Variants in GULP1 observed in about 807,000 individuals in gnomAD.
GULP1 encodes GULP PTB domain containing engulfment adaptor 1, also known as PTB domain-containing engulfment adapter protein 1.
Under a neutral mutation model 40.9 loss-of-function variants are expected in GULP1, and 19 were observed. The observed-to-expected ratio is 0.46, with a 90% confidence interval of 0.32 to 0.68. The LOEUF (loss-of-function observed/expected upper bound fraction) is 0.68. GULP1 is among the 30% of genes least tolerant of loss of function. The pLI is 0.03. For missense variants in GULP1, 312 were observed against 362.2 expected (o/e 0.86, Z 1.12); for synonymous variants, 119 against 117.6 (o/e 1.01, Z -0.08).
chr2:188,563,005 T>A (rs1435168076), intron 7 of GULP1, among the ~76,000 whole-genome samples: 2 of 152,134 alleles, frequency 1.3e-5, no homozygotes, highest in Admixed American at 1.3e-4. Context: ...ATACAATGTA[T>A]CAAAATTTGT....
At chr2:188,592,184 G>A (rs1703694634) in intron 11 of GULP1, 1 of 151,698 alleles carries the variant, frequency 6.6e-6, no homozygotes, top group African/African-American at 2.4e-5. Flanking sequence ...GTATTTTCAG[G>A]GTAATTGAAG....
intron 2 of GULP1, among the ~76,000 whole-genome samples, chr2:188,430,399 G>C (rs1016849824): frequency 2.6e-5 from 4 of 152,174 alleles, no homozygotes; most frequent in Admixed American, 6.5e-5. Flanking sequence ...TTTTGCTTAT[G>C]GGAAGCTCCT....
chr2:188,484,571 C>T (rs186178272), intron 4 of GULP1, among the ~76,000 whole-genome samples: 77 of 151,660 alleles, frequency 5.1e-4, no homozygotes, highest in Admixed American at 1.6e-3. Context: ...AGAACTTAAA[C>T]GTTTATGGAT....
At position 188,513,169 on chromosome 2, in the gene GULP1, G is replaced by A. The variant is rs188185762; in HGVS notation, c.91-9587G>A. 7.7e-4 allele frequency among the ~76,000 whole-genome samples: 117 copies of A among 152,108 alleles called. 2 individuals are homozygous for A. In the East Asian group the frequency reaches 0.018, roughly 23 times the overall value. On this transcript the variant is annotated intron_variant, in intron 4 of 11. Transcript: ENST00000409830. ...TGTATTTATCAGAGTCTTTATAGAA[G>A]ATTTAAAAAAGACATTTACTAGTTT...
intron 6 of GULP1, among the ~76,000 whole-genome samples, chr2:188,538,069 C>G (rs1689412604): frequency 6.6e-6 from 1 of 151,946 alleles, no homozygotes; most frequent in African/African-American, 2.4e-5. Context: ...TTTGGCTCTT[C>G]TCTCCTTTAG....
intron 1 of GULP1, among the ~76,000 whole-genome samples, chr2:188,333,760 G>A (rs1263092385): frequency 6.6e-6 from 1 of 152,042 alleles, no homozygotes; most frequent in Non-Finnish European, 1.5e-5. Context: ...ATTTTGTTAT[G>A]TGCTTTGCCC....
chr2:188,428,132 CT>C (rs1304076534), intron 2 of GULP1, among the ~76,000 whole-genome samples: 1 of 152,218 alleles, frequency 6.6e-6, no homozygotes, highest in Non-Finnish European at 1.5e-5. Flanking sequence ...TGTACCCTTT[CT>C]TTTGATCAAT....
Position 188,594,185 on chromosome 2 carries a change from T to C in GULP1, c.*174T>C, listed in dbSNP as rs1449008361. The C allele has an allele frequency of 2.2e-6, 1 of 455,074 alleles. No individual in the cohort carries two copies. Among genetic ancestry groups the C allele is most frequent in the African/African-American group, 2.0e-5 (1 of 51,036 alleles). The allele number at this position is 455,074 out of a possible 1,614,324, so 28.2% of individuals were successfully genotyped here. A position where few individuals can be genotyped will look rare whatever the true frequency, so the allele number is the denominator to read the frequency against. The stretch of plus-strand genomic sequence containing the variant: ...CTTCACTATTGATCTGTAATTTTTA[T>C]TTTAAAAACAGCTTACTGTAAAGTA... On this transcript the variant is annotated 3_prime_UTR_variant, in exon 12 of 12. Coordinates refer to ENST00000409830, the MANE Select transcript of GULP1 (RefSeq NM_016315.4).
chr2:188,463,071 A>G (rs1371686286), intron 2 of GULP1, among the ~76,000 whole-genome samples: 1 of 152,062 alleles, frequency 6.6e-6, no homozygotes, highest in Non-Finnish European at 1.5e-5. Flanking sequence ...ACAGTGTTGT[A>G]ATATTCTCTG....
chr2:188,495,206 A>C (rs2062786388), intron 4 of GULP1, among the ~76,000 whole-genome samples: 1 of 152,058 alleles, frequency 6.6e-6, no homozygotes. Context: ...TAATGGGTCC[A>C]TCTGAGGAAA....
intron 2 of GULP1, among the ~76,000 whole-genome samples, chr2:188,403,510 C>G (rs2052613499): frequency 1.3e-5 from 2 of 152,030 alleles, no homozygotes; most frequent in Admixed American, 6.6e-5. Flanking sequence ...CAGGACTCTT[C>G]CACTTATACT....
Position 188,477,863 on chromosome 2 carries a change from C to G in GULP1, c.28+133C>G, listed in dbSNP as rs868536466. On this transcript the variant is annotated intron_variant, in intron 3 of 11. Transcript: ENST00000409830. The stretch of plus-strand genomic sequence containing the variant: ...GAAATGAAGTTAGATTAGAGCAACA[C>G]AAATCTGCAAACGTTGCTAATTAGC... 4.2e-5 allele frequency: 27 copies of G among 644,590 alleles called. No homozygotes were observed. In the African/African-American group the frequency reaches 4.7e-4, roughly 11 times the overall value. The allele number at this position is 644,590 out of a possible 1,614,324, so 39.9% of individuals were successfully genotyped here.
intron 6 of GULP1, among the ~76,000 whole-genome samples, chr2:188,536,134 A>G (rs1291897484): frequency 3.3e-5 from 5 of 152,012 alleles, no homozygotes; most frequent in African/African-American, 1.2e-4. Context: ...ATTTTCTCCC[A>G]TTCTGTAAGG....
At chr2:188,339,045 TA>T (rs2042645987) in intron 1 of GULP1, among the ~76,000 whole-genome samples, 1 of 152,226 alleles carries the variant, frequency 6.6e-6, no homozygotes, top group Non-Finnish European at 1.5e-5. Context: ...CCTCTGTAGG[TA>T]AAAATGGTGA....
chr2:188,487,092 C>T (rs1422532933), intron 4 of GULP1, among the ~76,000 whole-genome samples: 3 of 151,814 alleles, frequency 2.0e-5, no homozygotes, highest in African/African-American at 7.2e-5. Flanking sequence ...ATTCTGTTCC[C>T]TTCAATTTTT....
intron 2 of GULP1, among the ~76,000 whole-genome samples, chr2:188,454,535 C>G (rs1258948977): frequency 6.6e-6 from 1 of 152,130 alleles, no homozygotes. Flanking sequence ...CCCAGGACAG[C>G]CTTTGACTTG....
chr2:188,325,912 A>G (rs1228922794), intron 1 of GULP1, among the ~76,000 whole-genome samples: 1 of 152,146 alleles, frequency 6.6e-6, no homozygotes, highest in Non-Finnish European at 1.5e-5. Context: ...TTTTGTTGCC[A>G]CTCATTTAGT....
chr2:188,431,445 T>A (rs940637333), intron 2 of GULP1, among the ~76,000 whole-genome samples: 3 of 152,172 alleles, frequency 2.0e-5, no homozygotes, highest in African/African-American at 7.2e-5. Context: ...ACTGAACTTT[T>A]AAAATATCAA....
chr2:188,379,325 G>T (rs1269713187), intron 1 of GULP1, among the ~76,000 whole-genome samples: 1 of 152,146 alleles, frequency 6.6e-6, no homozygotes, highest in Non-Finnish European at 1.5e-5. Context: ...AACTCAGAAT[G>T]CATTTGGAAG....
Sources: gnomAD v4.1 joint callset for allele counts (sites outside exome capture counted in the v4.1 genomes callset) on GRCh38, gnomAD v4.1.1 for gene constraint, MANE v1.5 for transcripts, NCBI Gene and HGNC (gene_info 2026-07-23, HGNC 2026-07-21) for gene names.